KCNQ1: variants seen among roughly 807,000 people sequenced by gnomAD.
KCNQ1 encodes potassium voltage-gated channel subfamily Q member 1, also known as potassium voltage-gated channel subfamily KQT member 1.
In KCNQ1, 49 loss-of-function variants were observed where a neutral mutation model predicts 72.4. The ratio of observed to expected loss-of-function variants is 0.68; its 90% confidence interval spans 0.54 to 0.86. The LOEUF is 0.86. KCNQ1 is among the 40% of genes least tolerant of loss of function. KCNQ1 has a pLI of 0.00. For synonymous variants in KCNQ1, 450 were observed against 412.6 expected, an observed-to-expected ratio of 1.09 and a Z score of -1.10; for missense variants, 790 against 945.1, an observed-to-expected ratio of 0.84 and a Z score of 2.15.
intron 13 of KCNQ1, 81 bp from the exon 14 acceptor site, chr11:2,776,905 A>G: frequency 1.4e-6 from 2 of 1,396,596 alleles, no homozygotes; most frequent in Non-Finnish European, 2.0e-6. Flanking sequence ...GGGCACGTCA[A>G]GCTGTCTGTC....
chr11:2,527,491 T>C (rs1361984376), intron 1 of KCNQ1, among the ~76,000 whole-genome samples: 1 of 152,140 alleles, frequency 6.6e-6, no homozygotes, highest in Non-Finnish European at 1.5e-5. Flanking sequence ...ATGTTCAGAG[T>C]TGTGTAGCCA....
chr11:2,674,513 GCACTT>G lies in KCNQ1; in HGVS notation c.1514+12433_1514+12437del. ...CCCCAGTGTTACTAGGCACTAGATG[GCACTT>G]GCAAAGCCCATTCGGAGGATTTAGA... On this transcript the variant is annotated intron_variant, in intron 11 of 15. Transcript: ENST00000155840. The surrounding 1 kb of genome is among the most constrained non-coding windows in gnomAD (Gnocchi z 5.9). 2.5e-6 allele frequency: 1 copy of G among 398,602 alleles called. No homozygotes were observed. The highest frequency in any genetic ancestry group is 4.4e-6 in the Non-Finnish European group (1 of 226,064). The allele number at this position is 398,602 out of a possible 1,614,324, so 24.7% of individuals were successfully genotyped here. A position where few individuals can be genotyped will look rare whatever the true frequency, so the allele number is the denominator to read the frequency against.
intron 10 of KCNQ1, among the ~76,000 whole-genome samples, chr11:2,607,974 A>G (rs922616729): frequency 6.6e-6 from 1 of 152,260 alleles, no homozygotes; most frequent in Non-Finnish European, 1.5e-5. Flanking sequence ...GAAAATAAGA[A>G]AACAATTCTA....
chr11:2,777,028 C>T lies in KCNQ1; in HGVS notation c.1728C>T (p.Val576=), dbSNP rs144363041. The T allele has an allele frequency of 1.9e-5, 30 of 1,614,006 alleles. No individual in the cohort carries two copies. Among genetic ancestry groups the T allele is most frequent in the African/African-American group, 2.7e-5 (2 of 74,914 alleles). ...SIGKPSLFIS[V]SEKSKDRGSN... is the part of the protein sequence containing the mutation. Reference sequence around the variant, plus strand: ...GGAAGCCCTCACTGTTCATCTCCGTCTCAGGTGGGTTTCTGTGTCAGTTAC... The same window carrying T: ...GGAAGCCCTCACTGTTCATCTCCGTTTCAGGTGGGTTTCTGTGTCAGTTAC... Residue 576 remains valine, a synonymous_variant, in exon 14 of 16, where the codon GTC becomes GTT. Transcript: ENST00000155840.
chr11:2,835,469 G>T (rs190064649), intron 15 of KCNQ1, among the ~76,000 whole-genome samples: 144 of 152,130 alleles, frequency 9.5e-4, no homozygotes, highest in African/African-American at 3.2e-3. Context: ...TCACCCTACC[G>T]GCAGAGCTCT....
intron 10 of KCNQ1, chr11:2,639,360 TTGA>T (rs1342770826): frequency 1.3e-5 from 2 of 152,344 alleles, no homozygotes; most frequent in Non-Finnish European, 2.9e-5. Flanking sequence ...CCTTTGGTCT[TTGA>T]TGATGGTGAC....
At chr11:2,807,477 G>C (rs567322884) in intron 15 of KCNQ1, among the ~76,000 whole-genome samples, 63 of 152,306 alleles carry the variant, frequency 4.1e-4, no homozygotes, top group African/African-American at 1.5e-3. Context: ...GGGCCAGCGC[G>C]ATGTCATGAG....
chr11:2,560,068 TAGC>T (rs1268875545), intron 2 of KCNQ1, among the ~76,000 whole-genome samples: 1 of 128,224 alleles, frequency 7.8e-6, no homozygotes, highest in African/African-American at 3.0e-5. Context: ...TGGGGACAGA[TAGC>T]AGCATCTCAG....
At chr11:2,641,400 T>A in intron 10 of KCNQ1, 1 of 398,454 alleles carries the variant, frequency 2.5e-6, no homozygotes, top group Non-Finnish European at 4.4e-6. Context: ...TGGGCTTTTT[T>A]TTTTAAATAT....
chr11:2,770,917 C>T (rs1319712751), intron 12 of KCNQ1, among the ~76,000 whole-genome samples: 1 of 152,244 alleles, frequency 6.6e-6, no homozygotes, highest in Non-Finnish European at 1.5e-5. Context: ...CAGATCTGGG[C>T]AGGGCAGTCC....
Position 2,488,017 on chromosome 11 carries a change from T to G in KCNQ1, c.387-39911T>G, listed in dbSNP as rs1846770525. Among the ~76,000 whole-genome samples, 1 of 152,192 alleles carries G rather than the reference T, an allele frequency of 6.6e-6. No individual in the cohort carries two copies. Among genetic ancestry groups the G allele is most frequent in the Non-Finnish European group, 1.5e-5 (1 of 68,026 alleles). On this transcript the variant is annotated intron_variant, in intron 1 of 15. Transcript: ENST00000155840. This position sits in a 1 kb window ranked among gnomAD's most constrained non-coding sequence, Gnocchi z 5.1. ...AGCTGTGGATTTTCACATATGGTTT[T>G]TATTATGTTAAGGTAGTTTCCTTCT...
Position 2,541,849 on chromosome 11 carries a change from C to T in KCNQ1, c.477+13831C>T, listed in dbSNP as rs1002206685. Among the ~76,000 whole-genome samples, 1 of 152,150 alleles carries T rather than the reference C, an allele frequency of 6.6e-6. No homozygotes were observed. The highest frequency in any genetic ancestry group is 2.4e-5 in the African/African-American group (1 of 41,434). ...GGAGCCCCTGTCAGAGGCGCTGAGG[C>T]CCAGGTCCTGTGGCTGGTCCTCGCA... On this transcript the variant is annotated intron_variant, in intron 2 of 15. Coordinates refer to ENST00000155840, the MANE Select transcript of KCNQ1 (RefSeq NM_000218.3). The surrounding 1 kb of genome is among the most constrained non-coding windows in gnomAD (Gnocchi z 4.8).
chr11:2,630,963 T>C (rs1183730621), intron 10 of KCNQ1: 1 of 398,408 alleles, frequency 2.5e-6, no homozygotes, highest in African/African-American at 2.1e-5. Flanking sequence ...CTTATGGAGG[T>C]TCCTGCAGAT....
At position 2,492,536 on chromosome 11, in the gene KCNQ1, G is replaced by A. The variant is rs893592847; in HGVS notation, c.387-35392G>A. ...TGGCCCCCATCTCCCCACAGATCCC[G>A]GTGTGTGATGTTCCCCTCCCTGTGT... On this transcript the variant is annotated intron_variant, in intron 1 of 15. Transcript: ENST00000155840. The surrounding 1 kb of genome is among the most constrained non-coding windows in gnomAD (Gnocchi z 4.1). 6.6e-6 allele frequency among the ~76,000 whole-genome samples: 1 copy of A among 152,024 alleles called. No individual in the cohort carries two copies. Among genetic ancestry groups the A allele is most frequent in the East Asian group, 1.9e-4 (1 of 5,186 alleles).
chr11:2,773,775 A>G (rs116134045), intron 12 of KCNQ1, among the ~76,000 whole-genome samples: 22,318 of 151,714 alleles, frequency 0.15, 1,773 homozygotes, highest in Middle Eastern at 0.2. Flanking sequence ...AGGAGAATCA[A>G]GGCTCAGCAT....
rs2133897375 is a variant in KCNQ1, at chr11:2,695,637, G to T, written c.1514+33556G>T. The T allele has an allele frequency of 2.5e-6, 1 of 398,510 alleles. No homozygotes were observed. The highest frequency in any genetic ancestry group is 6.3e-4 in the Middle Eastern group (1 of 1,588). The allele number at this position is 398,510 out of a possible 1,614,324, so 24.7% of individuals were successfully genotyped here. Reference sequence around the variant, plus strand: ...TGTTTACTTAGGAGGGAAACTGCTGGGCCACAGGTATAAAATATTTTATTT... The same window carrying T: ...TGTTTACTTAGGAGGGAAACTGCTGTGCCACAGGTATAAAATATTTTATTT... On this transcript the variant is annotated intron_variant, in intron 11 of 15. Coordinates refer to ENST00000155840, the MANE Select transcript of KCNQ1 (RefSeq NM_000218.3). The surrounding 1 kb of genome is among the most constrained non-coding windows in gnomAD (Gnocchi z 5.2).
At chr11:2,694,800 G>A (rs924266800) in intron 11 of KCNQ1, 18 of 398,520 alleles carry the variant, frequency 4.5e-5, no homozygotes, top group South Asian at 1.3e-4. Flanking sequence ...AAAGGTAGTC[G>A]TCAGCTAGTG....
At chr11:2,528,680 G>T (rs905659376) in intron 2 of KCNQ1, among the ~76,000 whole-genome samples, 1 of 152,232 alleles carries the variant, frequency 6.6e-6, no homozygotes, top group Non-Finnish European at 1.5e-5. Context: ...GCAGGACTGG[G>T]TCTAGCACCT....
intron 11 of KCNQ1, among the ~76,000 whole-genome samples, chr11:2,700,454 C>G (rs868007839): frequency 2.6e-5 from 4 of 152,142 alleles, no homozygotes; most frequent in Non-Finnish European, 4.4e-5. Context: ...CTGTGGGCGT[C>G]CAGGCCACGC....
Sources: gnomAD v4.1 joint callset for allele counts (sites outside exome capture counted in the v4.1 genomes callset) on GRCh38, gnomAD v4.1.1 for gene constraint, Gnocchi (gnomAD v3.1) non-coding constraint, MANE v1.5 for transcripts, NCBI Gene and HGNC (gene_info 2026-07-23, HGNC 2026-07-21) for gene names.